LRP6: variants seen among roughly 807,000 people sequenced by gnomAD.
The protein encoded by LRP6 is low-density lipoprotein receptor-related protein 6.
A neutral mutation model predicts 184.1 loss-of-function variants in LRP6; 43 were observed. The observed-to-expected ratio is 0.23, with a 90% CI of 0.18 to 0.30. The LOEUF (loss-of-function observed/expected upper bound fraction) is 0.30, where lower values mean the gene tolerates loss of function less well. Ranked by LOEUF, LRP6 falls within the 10% of genes least tolerant of loss-of-function variation. The pLI, the probability that LRP6 is intolerant of heterozygous loss-of-function variation, is 1.00. For synonymous variants in LRP6, 719 were observed against 684.9 expected (o/e 1.05, Z -0.78); for missense variants, 1,571 against 2,005.3 (o/e 0.78, Z 4.14).
chr12:12,160,962 T>C (rs1381275078), intron 10 of LRP6, among the ~76,000 whole-genome samples: 1 of 152,240 alleles, frequency 6.6e-6, no homozygotes, highest in African/African-American at 2.4e-5. Context: ...TGTATGAACA[T>C]GCTTTTCTGA....
intron 1 of LRP6, among the ~76,000 whole-genome samples, chr12:12,252,210 T>C (rs2135931992): frequency 6.6e-6 from 1 of 152,258 alleles, no homozygotes; most frequent in East Asian, 1.9e-4. Flanking sequence ...TTCCGGTCAC[T>C]TTTGGTTAAA....
intron 3 of LRP6, among the ~76,000 whole-genome samples, chr12:12,199,801 T>C (rs1482620691): frequency 2.0e-5 from 3 of 151,496 alleles, no homozygotes; most frequent in South Asian, 4.2e-4. Context: ...CCGCCTCTAC[T>C]AAAAATGTAA....
At chr12:12,196,203 A>ATT (rs138570486) in intron 3 of LRP6, among the ~76,000 whole-genome samples, 21 of 142,112 alleles carry the variant, frequency 1.5e-4, no homozygotes, top group South Asian at 4.4e-4. Flanking sequence ...AAATTTTAGG[A>ATT]TTTTTTTTTT....
intron 1 of LRP6, among the ~76,000 whole-genome samples, chr12:12,248,572 C>T (rs559577568): frequency 2.0e-5 from 3 of 150,514 alleles, no homozygotes; most frequent in Admixed American, 1.3e-4. Context: ...AGGTCCGCCT[C>T]CCGGGTTCAC....
At chr12:12,140,562 G>A (rs750672586) in intron 15 of LRP6, among the ~76,000 whole-genome samples, 3 of 151,474 alleles carry the variant, frequency 2.0e-5, no homozygotes, top group African/African-American at 7.3e-5. Flanking sequence ...CAATGAGAAG[G>A]AAGGGAAGGG....
At chr12:12,130,645 AC>A (rs1949738714) in intron 19 of LRP6, 137 bp downstream of exon 19, 3 of 638,934 alleles carry the variant, frequency 4.7e-6, no homozygotes, top group South Asian at 3.9e-5. Flanking sequence ...ACATAAAAAA[AC>A]CTTCACACAA....
In LRP6 at chr12:12,217,075, G is replaced by A. The variant is rs149020447; in HGVS notation, c.450-13675C>T. ...TGGGGTCCCCAACCTCCAAGCCAGA[G>A]ACCACTACCAGTTCATGGCCTTTTA... On this transcript the variant is annotated intron_variant, in intron 2 of 22. Transcript: ENST00000261349. Among the ~76,000 whole-genome samples the A allele has an allele frequency of 3.2e-4, 49 of 152,192 alleles. 2 individuals are homozygous for A. In the East Asian group the frequency reaches 8.1e-3, roughly 25 times the overall value.
rs1045894085 is a variant in LRP6 at position 12,119,893 on chromosome 12, T to A, written c.*1233A>T. 1.3e-5 allele frequency: 2 copies of A among 150,184 alleles called. No homozygotes were observed. The highest frequency in any genetic ancestry group is 3.0e-5 in the Non-Finnish European group (2 of 67,664). The allele number at this position is 150,184 out of a possible 1,614,324, so 9.3% of individuals were successfully genotyped here. On this transcript the variant is annotated 3_prime_UTR_variant, in exon 23 of 23. Transcript: ENST00000261349. Reference sequence around the variant, plus strand: ...ATGAAAACATCACAAACTGTTAATATAGGGAAAATCCTAATAAGAAAAAAA... The same window carrying A: ...ATGAAAACATCACAAACTGTTAATAAAGGGAAAATCCTAATAAGAAAAAAA...
rs978162228 is a variant in LRP6 at position 12,120,569 on chromosome 12, T to C, written c.*557A>G. ...ATATCTACTTTCCTCACTAGCACTG[T>C]TGGATTCCTAGAGAAAACAAAGCCC... On this transcript the variant is annotated 3_prime_UTR_variant, in exon 23 of 23. Coordinates refer to ENST00000261349, the MANE Select transcript of LRP6 (RefSeq NM_002336.3). 6.6e-6 allele frequency: 1 copy of C among 152,416 alleles called. No individual in the cohort carries two copies. Among genetic ancestry groups the C allele is most frequent in the African/African-American group, 2.4e-5 (1 of 41,450 alleles). 9.4% of individuals were successfully genotyped at this position (152,416 alleles called of 1,614,324 possible).
chr12:12,203,403 A>G lies in LRP6; in HGVS notation c.450-3T>C, dbSNP rs202159724. ...CCCAGTCTGTCCAGTACATGAACCT[A>G]AAAATCATAAAAATAATTAAAGCCA... On this transcript the variant is annotated splice_region_variant and splice_polypyrimidine_tract_variant and intron_variant, in intron 2 of 22. Coordinates refer to ENST00000261349, the MANE Select transcript of LRP6 (RefSeq NM_002336.3). 8 of 1,597,030 alleles carry G rather than the reference A, an allele frequency of 5.0e-6. No homozygotes were observed. The highest frequency in any genetic ancestry group is 6.9e-6 in the Non-Finnish European group (8 of 1,164,406).
intron 15 of LRP6, among the ~76,000 whole-genome samples, chr12:12,140,512 G>A (rs748045567): frequency 6.6e-6 from 1 of 151,868 alleles, no homozygotes; most frequent in African/African-American, 2.4e-5. Flanking sequence ...AATTTAAGGT[G>A]TAGACTTCTA....
chr12:12,121,320 C>G lies in LRP6; in HGVS notation c.4648G>C (p.Val1550Leu). ...CTGGTATAGCCCTTGGCTGTTGCCA[C>G]TGAGGTCATTCTCCGACTAGGAGCA... ...DYAPSRRMTS[V>L]ATAKGYTSDL... The change falls in exon 23 of 23, where the codon GTG becomes CTG. Residue 1550 changes from valine (V) to leucine (L), a missense_variant. Physicochemically the swap from Val to Leu is conservative, Grantham distance 32 (BLOSUM62 1). This residue lies in a region of LRP6 where 763 missense variants were observed against 859.5 expected (regional missense o/e 0.89). Transcript: ENST00000261349. The G allele has an allele frequency of 6.2e-7, 1 of 1,614,168 alleles. No individual in the cohort carries two copies. The highest frequency in any genetic ancestry group is 1.1e-5 in the South Asian group (1 of 91,074).
intron 2 of LRP6, among the ~76,000 whole-genome samples, chr12:12,233,170 G>A (rs913441935): frequency 6.6e-6 from 1 of 151,996 alleles, no homozygotes; most frequent in Non-Finnish European, 1.5e-5. Context: ...ACAATAATTT[G>A]TTAGAAAAAA....
chr12:12,128,491 C>G (rs1328337315), intron 19 of LRP6, among the ~76,000 whole-genome samples: 3 of 152,168 alleles, frequency 2.0e-5, no homozygotes, highest in Admixed American at 2.0e-4. Context: ...AGCCACAGTT[C>G]CTTATAATCA....
intron 15 of LRP6, among the ~76,000 whole-genome samples, chr12:12,145,624 C>G (rs200590370): frequency 1.2e-4 from 10 of 80,350 alleles, no homozygotes; most frequent in Middle Eastern, 8.2e-3. Flanking sequence ...TTTTCTTTTT[C>G]TTTTTTTTTT....
chr12:12,146,539 G>T (rs878914194), intron 15 of LRP6, among the ~76,000 whole-genome samples: 5 of 152,186 alleles, frequency 3.3e-5, no homozygotes, highest in Admixed American at 3.3e-4. Flanking sequence ...GAAAGTAAAA[G>T]TATATCTTAA....
chr12:12,260,566 A>C (rs892852387), intron 1 of LRP6, among the ~76,000 whole-genome samples: 5 of 152,180 alleles, frequency 3.3e-5, no homozygotes, highest in African/African-American at 1.2e-4. Flanking sequence ...CGACACTTAA[A>C]ATGTTTTACC....
chr12:12,141,645 C>A (rs1044681586), intron 15 of LRP6, among the ~76,000 whole-genome samples: 3 of 152,100 alleles, frequency 2.0e-5, no homozygotes, highest in African/African-American at 4.8e-5. Context: ...AGAAACCAAG[C>A]AAATCCAGAC....
chr12:12,193,307 G>A (rs1863665047), intron 3 of LRP6, among the ~76,000 whole-genome samples: 1 of 149,236 alleles, frequency 6.7e-6, no homozygotes, highest in South Asian at 2.1e-4. Context: ...TTGACCTTAA[G>A]AAACTGTAAG....
Sources: allele counts gnomAD v4.1 joint callset (sites outside exome capture counted in the v4.1 genomes callset), GRCh38; gene constraint gnomAD v4.1.1; regional missense constraint gnomAD v4.1.1; transcripts MANE v1.5; gene names NCBI Gene and HGNC (gene_info 2026-07-23, HGNC 2026-07-21).